PDPR: variants seen among roughly 807,000 people sequenced by gnomAD.
PDPR encodes pyruvate dehydrogenase phosphatase regulatory subunit, also known as pyruvate dehydrogenase phosphatase regulatory subunit, mitochondrial.
A neutral mutation model predicts 102.2 loss-of-function variants in PDPR; 50 were observed. The ratio of observed to expected loss-of-function variants is 0.49; its 90% confidence interval spans 0.39 to 0.62. The LOEUF is 0.62. Ranked by LOEUF, PDPR falls within the 20% of genes least tolerant of loss-of-function variation. PDPR has a pLI of 0.00. For synonymous variants in PDPR, 259 were observed against 406.0 expected (o/e 0.64, Z 4.35); for missense variants, 625 against 1,098.2 (o/e 0.57, Z 6.09).
rs553522016 is a variant in PDPR, at chr16:70,132,838, C to T, written c.997+538C>T. Among the ~76,000 whole-genome samples, 6 of 152,336 alleles carry T rather than the reference C, an allele frequency of 3.9e-5. No homozygotes were observed. The East Asian group carries it at 1.2e-3, about 29-fold the overall frequency. ...ATCATTTTGTGTGTGTGTGAGATGG[C>T]GTCTTGCCCTGTCACCTAGGCTGGA... On this transcript the variant is annotated intron_variant, in intron 9 of 18. Transcript: ENST00000288050.
In PDPR at chr16:70,159,307, AG is replaced by A. The variant is rs1336676275; in HGVS notation, c.*2429del. 2.6e-5 allele frequency: 4 copies of A among 152,534 alleles called. No individual in the cohort carries two copies. The East Asian group carries it at 7.7e-4, about 29-fold the overall frequency. 9.4% of individuals were successfully genotyped at this position (152,534 alleles called of 1,614,324 possible). A position where few individuals can be genotyped will look rare whatever the true frequency, so the allele number is the denominator to read the frequency against. ...TCCTGACCTCCTGTTAAATGACATC[AG>A]TTTCCCCCTCTGAGCAACAGACTGC... On this transcript the variant is annotated 3_prime_UTR_variant, in exon 19 of 19. Coordinates refer to ENST00000288050, the MANE Select transcript of PDPR (RefSeq NM_017990.5).
intron 17 of PDPR, among the ~76,000 whole-genome samples, chr16:70,148,800 G>A (rs191125497): frequency 8.4e-4 from 128 of 152,248 alleles, no homozygotes; most frequent in African/African-American, 1.4e-3. Context: ...ATTTGGCGCC[G>A]TCTGATCTGT....
chr16:70,146,158 C>G lies in PDPR; in HGVS notation c.1892C>G (p.Ala631Gly). 6.2e-7 allele frequency: 1 copy of G among 1,613,582 alleles called. No individual in the cohort carries two copies. The highest frequency in any genetic ancestry group is 8.5e-7 in the Non-Finnish European group (1 of 1,179,674). The change falls in exon 16 of 19, where the codon GCT becomes GGT. Residue 631 changes from alanine (A) to glycine (G), a missense_variant. This residue lies in a region of PDPR where 28 missense variants were observed against 141.2 expected (regional missense o/e 0.20). Coordinates refer to ENST00000288050, the MANE Select transcript of PDPR (RefSeq NM_017990.5). The part of the protein sequence containing the change: ...YTALNLIGPR[A>G]VDVLSELSYA... ...GCCCTCAATCTGATTGGCCCTCGAG[C>G]TGTGGATGTGCTGTCTGAGTTGTCC...
chr16:70,156,999 C>T lies in PDPR; in HGVS notation c.*120C>T, dbSNP rs1967290637. On this transcript the variant is annotated 3_prime_UTR_variant, in exon 19 of 19. Transcript: ENST00000288050. ...GGAGCCTTTGCCTCCCATCTCTTAT[C>T]TCCTTGATATAATTTTGAACTTGAC... 7.2e-7 allele frequency: 1 copy of T among 1,391,482 alleles called. No homozygotes were observed. The highest frequency in any genetic ancestry group is 1.3e-5 in the South Asian group (1 of 79,274). 86.2% of individuals were successfully genotyped at this position (1,391,482 alleles called of 1,614,324 possible).
intron 15 of PDPR, chr16:70,145,581 A>G: frequency 2.8e-6 from 1 of 354,368 alleles, no homozygotes; most frequent in Non-Finnish European, 5.5e-6. Flanking sequence ...TCTCATTCTC[A>G]ATTCCTTGTA....
intron 17 of PDPR, among the ~76,000 whole-genome samples, chr16:70,149,484 T>TC (rs1361660982): frequency 4.6e-5 from 7 of 152,232 alleles, no homozygotes; most frequent in Admixed American, 4.6e-4. Context: ...CAGGCTTGTT[T>TC]CCAACTCCTG....
intron 9 of PDPR, among the ~76,000 whole-genome samples, chr16:70,134,146 T>C (rs1010348466): frequency 1.3e-5 from 2 of 151,582 alleles, no homozygotes; most frequent in African/African-American, 2.4e-5. Context: ...AACAGAATTG[T>C]TTTGTTTTGT....
intron 16 of PDPR, among the ~76,000 whole-genome samples, chr16:70,147,906 G>C (rs1256552191): frequency 6.6e-6 from 1 of 152,206 alleles, no homozygotes; most frequent in Non-Finnish European, 1.5e-5. Flanking sequence ...GGTTCACTTC[G>C]GTGCTGTCCA....
At chr16:70,148,229 G>T (rs1447839589) in intron 16 of PDPR, among the ~76,000 whole-genome samples, 1 of 152,222 alleles carries the variant, frequency 6.6e-6, no homozygotes, top group Non-Finnish European at 1.5e-5. Context: ...CATCAGCTTG[G>T]CTAAAACTCC....
At chr16:70,116,265 CG>C (rs1019942128) in intron 2 of PDPR, among the ~76,000 whole-genome samples, 3 of 138,894 alleles carry the variant, frequency 2.2e-5, no homozygotes, top group African/African-American at 7.9e-5. Flanking sequence ...TTAGTAGAGA[CG>C]GGGTTTCACC....
At chr16:70,129,342 T>C (rs1964306064) in intron 6 of PDPR, among the ~76,000 whole-genome samples, 1 of 152,286 alleles carries the variant, frequency 6.6e-6, no homozygotes, top group Non-Finnish European at 1.5e-5. Flanking sequence ...CTTTTAGTGC[T>C]AATTAATGCC....
At position 70,157,155 on chromosome 16, in the gene PDPR, G is replaced by A. The variant is rs1402036450; in HGVS notation, c.*276G>A. 3.1e-6 allele frequency: 2 copies of A among 649,878 alleles called. No individual in the cohort carries two copies. Among genetic ancestry groups the A allele is most frequent in the Admixed American group, 4.2e-5 (2 of 47,342 alleles). 40.3% of individuals were successfully genotyped at this position (649,878 alleles called of 1,614,324 possible). A position where few individuals can be genotyped will look rare whatever the true frequency, so the allele number is the denominator to read the frequency against. On this transcript the variant is annotated 3_prime_UTR_variant, in exon 19 of 19. Transcript: ENST00000288050. The stretch of plus-strand genomic sequence containing the variant: ...GTGGTGGCAGGAGGTATGTCTGACA[G>A]GACAGAAGCAAGCTCCACTGTGGAC...
intron 17 of PDPR, 96 bp downstream of exon 17, chr16:70,148,649 A>G: frequency 8.5e-7 from 1 of 1,173,146 alleles, no homozygotes; most frequent in Non-Finnish European, 1.2e-6. Flanking sequence ...TGCTCCCAGC[A>G]GCGCGTTCAC....
At chr16:70,154,941 AT>A (rs1401576523) in intron 18 of PDPR, among the ~76,000 whole-genome samples, 1 of 152,036 alleles carries the variant, frequency 6.6e-6, no homozygotes, top group African/African-American at 2.4e-5. Flanking sequence ...ACCCGGCCTA[AT>A]TTTTTTGGTT....
rs985937412 is a variant in PDPR at position 70,158,875 on chromosome 16, C to T, written c.*1996C>T. ...CTCTTCCAAACACGTAGCATTTGCA[C>T]CCCTCCAAAGCCATCTTTGTAAAGG... is the stretch of plus-strand genomic sequence containing the variant. On this transcript the variant is annotated 3_prime_UTR_variant, in exon 19 of 19. Transcript: ENST00000288050. 6.6e-6 allele frequency: 1 copy of T among 152,484 alleles called. No homozygotes were observed. Among genetic ancestry groups the T allele is most frequent in the Non-Finnish European group, 1.5e-5 (1 of 68,160 alleles). The allele number at this position is 152,484 out of a possible 1,614,324, so 9.4% of individuals were successfully genotyped here. A position where few individuals can be genotyped will look rare whatever the true frequency, so the allele number is the denominator to read the frequency against.
chr16:70,121,994 C>CT (rs376771346), intron 3 of PDPR, among the ~76,000 whole-genome samples: 108 of 149,546 alleles, frequency 7.2e-4, no homozygotes, highest in African/African-American at 2.0e-3. Context: ...TCTTTTCTTT[C>CT]TTTTTTTTTT....
rs569211620 is a variant in PDPR, at chr16:70,145,322, G to A, written c.1867+789G>A. 1.8e-4 allele frequency among the ~76,000 whole-genome samples: 28 copies of A among 152,364 alleles called. No homozygotes were observed. In the East Asian group the frequency reaches 2.7e-3, roughly 15 times the overall value. On this transcript the variant is annotated intron_variant, in intron 15 of 18. Coordinates refer to ENST00000288050, the MANE Select transcript of PDPR (RefSeq NM_017990.5). The stretch of plus-strand genomic sequence containing the variant: ...CGGGCTAATTTCTGTATTTTTAGTA[G>A]AGATGGGGTTTCACCATGTTGGCCA...
Position 70,157,320 on chromosome 16 carries a change from G to A in PDPR, c.*441G>A, listed in dbSNP as rs11647186. On this transcript the variant is annotated 3_prime_UTR_variant, in exon 19 of 19. Coordinates refer to ENST00000288050, the MANE Select transcript of PDPR (RefSeq NM_017990.5). ...GCCTATTAGTTCTGGTGGGGTTGCC[G>A]TGTGTCGGATGCAGCCCTGAGGGGC... 15,128 of 397,976 alleles carry A rather than the reference G, an allele frequency of 0.038. 1 individual carries two copies. The highest frequency in any genetic ancestry group is 0.044 in the Non-Finnish European group (8,823 of 202,322). The allele number at this position is 397,976 out of a possible 1,614,324, so 24.7% of individuals were successfully genotyped here.
intron 6 of PDPR, among the ~76,000 whole-genome samples, chr16:70,129,901 C>T (rs1238645201): frequency 2.7e-3 from 412 of 152,112 alleles, no homozygotes; most frequent in African/African-American, 9.1e-3. Context: ...TATTGTGTTC[C>T]AAAGTCTGTT....
Sources: gnomAD v4.1 joint callset for allele counts (sites outside exome capture counted in the v4.1 genomes callset) on GRCh38, gnomAD v4.1.1 for gene constraint, gnomAD v4.1.1 regional missense constraint, MANE v1.5 for transcripts, NCBI Gene and HGNC (gene_info 2026-07-23, HGNC 2026-07-21) for gene names.